Variants in ANK2 observed in about 807,000 individuals in gnomAD.
The protein encoded by ANK2 is ankyrin-2.
In ANK2, 83 loss-of-function variants were observed where a neutral mutation model predicts 360.5. That is an observed-to-expected ratio of 0.23 (90% CI 0.19 to 0.28). The LOEUF is 0.28. ANK2 is among the 10% of genes least tolerant of loss of function. The pLI is 1.00. For synonymous variants in ANK2, 1,740 were observed against 1,759.5 expected (o/e 0.99, Z 0.28); for missense variants, 4,201 against 4,795.7 (o/e 0.88, Z 3.66).
chr4:113,295,802 A>T (rs891283865), intron 22 of ANK2, among the ~76,000 whole-genome samples: 12 of 152,150 alleles, frequency 7.9e-5, no homozygotes, highest in Non-Finnish European at 1.6e-4. Context: ...ACATGTTTCG[A>T]TGCTGGTCTC....
chr4:113,256,953 G>A (rs764943998), intron 11 of ANK2, among the ~76,000 whole-genome samples: 3 of 152,166 alleles, frequency 2.0e-5, no homozygotes, highest in Non-Finnish European at 4.4e-5. Flanking sequence ...ATCACAGCCT[G>A]TTAATTGCAA....
chr4:113,051,979 G>A (rs1225355826), intron 1 of ANK2, among the ~76,000 whole-genome samples: 1 of 152,030 alleles, frequency 6.6e-6, no homozygotes, highest in African/African-American at 2.4e-5. Flanking sequence ...TTTGAGAGAG[G>A]CAGAAATGAC....
chr4:112,826,694 A>G, intron 1 of ANK2: 2 of 882,846 alleles, frequency 2.3e-6, no homozygotes, highest in Non-Finnish European at 3.6e-6. Context: ...AGAAATCTGG[A>G]TAGAAGACAA....
intron 43 of ANK2, among the ~76,000 whole-genome samples, chr4:113,371,966 AC>A (rs980882713): frequency 1.3e-5 from 2 of 152,140 alleles, no homozygotes; most frequent in Non-Finnish European, 2.9e-5. Flanking sequence ...ACTATTGACC[AC>A]TTTATCTCAA....
chr4:113,158,455 A>C (rs1403748437), intron 1 of ANK2, among the ~76,000 whole-genome samples: 1 of 152,178 alleles, frequency 6.6e-6, no homozygotes, highest in Non-Finnish European at 1.5e-5. Flanking sequence ...AGATGTTATC[A>C]GTGGAGGAAA....
intron 4 of ANK2, among the ~76,000 whole-genome samples, chr4:113,207,146 CAAT>C (rs2098961564): frequency 6.6e-6 from 1 of 152,132 alleles, no homozygotes; most frequent in Non-Finnish European, 1.5e-5. Flanking sequence ...TCCTAAAAGA[CAAT>C]AATATTTTCA....
At chr4:112,960,383 C>T (rs1016130867) in intron 2 of ANK2, among the ~76,000 whole-genome samples, 2 of 151,552 alleles carry the variant, frequency 1.3e-5, no homozygotes, top group Admixed American at 1.3e-4. Context: ...ACCTAATTTC[C>T]AAAGCCACTC....
chr4:113,257,362 C>G (rs907501597), intron 11 of ANK2, among the ~76,000 whole-genome samples: 2 of 152,176 alleles, frequency 1.3e-5, no homozygotes, highest in Non-Finnish European at 2.9e-5. Context: ...TTCTTTACCC[C>G]AGAGCTACCT....
chr4:112,724,556 TACAC>T, the ANK2 span, among the ~76,000 whole-genome samples: 1,591 of 141,736 alleles, frequency 0.011, 19 homozygotes, highest in East Asian at 0.022. Flanking sequence ...CACACACACA[TACAC>T]ACACACACAC....
At chr4:113,066,728 G>A (rs2075739284) in intron 1 of ANK2, among the ~76,000 whole-genome samples, 1 of 152,118 alleles carries the variant, frequency 6.6e-6, no homozygotes, top group South Asian at 2.1e-4. Context: ...TGCACATCCA[G>A]TGAAGAAGGG....
chr4:112,776,019 C>G, the ANK2 span, among the ~76,000 whole-genome samples: 65 of 152,242 alleles, frequency 4.3e-4, 1 homozygote, highest in East Asian at 0.012. Context: ...TGCCATTGGT[C>G]TAACTACTAC....
intron 2 of ANK2, among the ~76,000 whole-genome samples, chr4:112,969,000 C>T (rs1052301094): frequency 6.6e-6 from 1 of 152,180 alleles, no homozygotes; most frequent in African/African-American, 2.4e-5. Context: ...TCAGCTAGCC[C>T]TGTGTATAGT....
intron 1 of ANK2, among the ~76,000 whole-genome samples, chr4:113,137,358 G>A (rs74809837): frequency 0.011 from 1,646 of 152,264 alleles, 28 homozygotes; most frequent in African/African-American, 0.036. Context: ...AGGACTGGAT[G>A]TATGGGAAAG....
At chr4:113,205,347 T>A (rs1219638867) in intron 4 of ANK2, among the ~76,000 whole-genome samples, 1 of 152,104 alleles carries the variant, frequency 6.6e-6, no homozygotes, top group Non-Finnish European at 1.5e-5. Flanking sequence ...TCTTGGAATT[T>A]CTTGTTTCTG....
the ANK2 span, among the ~76,000 whole-genome samples, chr4:112,793,868 G>A: frequency 6.6e-6 from 1 of 151,926 alleles, no homozygotes; most frequent in African/African-American, 2.4e-5. Context: ...ACCACACTTG[G>A]CTATTTTTTT....
intron 2 of ANK2, among the ~76,000 whole-genome samples, chr4:112,936,538 GT>G (rs2093737004): frequency 6.6e-6 from 1 of 152,038 alleles, no homozygotes. Context: ...TAGAGATAGG[GT>G]TTTACCATGT....
rs190236396 is a variant in ANK2, at chr4:113,070,139, C to T, written c.84+20327C>T. On this transcript the variant is annotated intron_variant, in intron 1 of 45. Coordinates refer to ENST00000357077, the MANE Select transcript of ANK2 (RefSeq NM_001148.6). Reference sequence around the variant, plus strand: ...TTCAGAGAACTGGTGAATAAACTCTCCGCTCCATGCCTTTCTGCTCAGAGA... The same window carrying T: ...TTCAGAGAACTGGTGAATAAACTCTTCGCTCCATGCCTTTCTGCTCAGAGA... The T allele has an allele frequency of 2.0e-3, 301 of 152,288 alleles. 9 individuals are homozygous for T. Among genetic ancestry groups the T allele is most frequent in the Admixed American group, 0.019 (298 of 15,290 alleles). 9.4% of individuals were successfully genotyped at this position (152,288 alleles called of 1,614,324 possible).
chr4:113,146,622 A>G (rs977191821), intron 1 of ANK2, among the ~76,000 whole-genome samples: 1 of 151,974 alleles, frequency 6.6e-6, no homozygotes, highest in Non-Finnish European at 1.5e-5. Context: ...TTCAGATTTT[A>G]ATAATTCATA....
chr4:112,822,481 A>G (rs552235438), intron 1 of ANK2, among the ~76,000 whole-genome samples: 1 of 151,898 alleles, frequency 6.6e-6, no homozygotes, highest in South Asian at 2.1e-4. Flanking sequence ...ATAGTAGCTC[A>G]TGCCTGTAAA....
Sources: gnomAD v4.1 joint callset for allele counts (sites outside exome capture counted in the v4.1 genomes callset) on GRCh38, gnomAD v4.1.1 for gene constraint, MANE v1.5 for transcripts, NCBI Gene and HGNC (gene_info 2026-07-23, HGNC 2026-07-21) for gene names.